CEACAM16: variants seen among roughly 807,000 people sequenced by gnomAD.
CEACAM16 encodes CEA cell adhesion molecule 16, tectorial membrane component, also known as cell adhesion molecule CEACAM16.
Under a neutral mutation model 39.4 loss-of-function variants are expected in CEACAM16, and 30 were observed. The ratio of observed to expected loss-of-function variants is 0.76; its 90% CI spans 0.57 to 1.03. The LOEUF is 1.03. Among genes scored for constraint, CEACAM16 ranks in the 50% least tolerant of loss-of-function variants. CEACAM16 has a pLI of 0.00. For synonymous variants in CEACAM16, 262 were observed against 264.9 expected (o/e 0.99, Z 0.11); for missense variants, 521 against 585.3 (o/e 0.89, Z 1.13).
intron 1 of CEACAM16, among the ~76,000 whole-genome samples, chr19:44,700,151 G>T (rs1162481405): frequency 6.6e-6 from 1 of 152,094 alleles, no homozygotes; most frequent in Non-Finnish European, 1.5e-5. Flanking sequence ...GACTACAGGT[G>T]CACACCACCA....
chr19:44,704,390 G>A lies in CEACAM16; in HGVS notation c.661+94G>A, dbSNP rs115626389. ...GAGAGGGGGCCTAAGGGCACACAGCGAGTCAGCAGGCAAGCTGGGATTGGG... is the reference window on the plus strand; with the variant it reads ...GAGAGGGGGCCTAAGGGCACACAGCAAGTCAGCAGGCAAGCTGGGATTGGG... On this transcript the variant is annotated intron_variant, in intron 4 of 6. Coordinates refer to ENST00000587331, the MANE Select transcript of CEACAM16 (RefSeq NM_001039213.4). 9.1e-4 allele frequency: 1,261 copies of A among 1,387,920 alleles called. 6 individuals are homozygous for A. The African/African-American group carries it at 0.012, about 14-fold the overall frequency. The allele number at this position is 1,387,920 out of a possible 1,614,324, so 86.0% of individuals were successfully genotyped here. A position where few individuals can be genotyped will look rare whatever the true frequency, so the allele number is the denominator to read the frequency against.
rs141024295 is a variant in CEACAM16 at position 44,705,669 on chromosome 19, C to G, written c.741C>G (p.Ser247=). ...CCATCAAAGTTGACTTCAACACGTC[C>G]CTCACCCTGTGGTGCGTGTCCAGGT... ...GCTIKVDFNT[S]LTLWCVSRSC... is the part of the protein sequence containing the mutation. Residue 247 remains serine, a synonymous_variant, in exon 5 of 7, where the codon TCC becomes TCG. Coordinates refer to ENST00000587331, the MANE Select transcript of CEACAM16 (RefSeq NM_001039213.4). 44 of 1,613,910 alleles carry G rather than the reference C, an allele frequency of 2.7e-5. No homozygotes were observed. The Middle Eastern group carries it at 9.9e-4, about 36-fold the overall frequency.
chr19:44,710,322 A>G (rs1472424462), intron 6 of CEACAM16, among the ~76,000 whole-genome samples, 174 bp from the exon 7 acceptor site: 1 of 152,118 alleles, frequency 6.6e-6, no homozygotes, highest in Non-Finnish European at 1.5e-5. Flanking sequence ...TCCCTCGCAC[A>G]AGGACCAACG....
At chr19:44,705,135 C>A (rs1974421353) in intron 4 of CEACAM16, among the ~76,000 whole-genome samples, 1 of 152,152 alleles carries the variant, frequency 6.6e-6, no homozygotes, top group Non-Finnish European at 1.5e-5. Flanking sequence ...AATCTTAGAA[C>A]CTCTAGACGC....
At chr19:44,699,363 T>C (rs1350220936) in intron 1 of CEACAM16, 103 bp downstream of exon 1, 1 of 504,292 alleles carries the variant, frequency 2.0e-6, no homozygotes, top group Non-Finnish European at 4.1e-6. Context: ...AACTGAGGCT[T>C]GGCAGAGTCC....
chr19:44,710,599 G>A lies in CEACAM16; in HGVS notation c.*93G>A. Reference sequence around the variant, plus strand: ...GTGGGAACCACTCCCCCACAGCGAGGATGCCAGGCTGTGGTCCTGCTGTTC... The same window carrying A: ...GTGGGAACCACTCCCCCACAGCGAGAATGCCAGGCTGTGGTCCTGCTGTTC... On this transcript the variant is annotated 3_prime_UTR_variant, in exon 7 of 7. Transcript: ENST00000587331. The A allele has an allele frequency of 6.4e-7, 1 of 1,557,554 alleles. No individual in the cohort carries two copies. Among genetic ancestry groups the A allele is most frequent in the Non-Finnish European group, 8.9e-7 (1 of 1,129,668 alleles).
Position 44,703,681 on chromosome 19 carries a change from G to A in CEACAM16, c.370G>A (p.Val124Met), listed in dbSNP as rs577689341. Residue 124 changes from valine to methionine, a missense_variant, in exon 3 of 7, where the codon GTG (valine) becomes ATG (methionine). Val to Met is a conservative substitution (Grantham distance 21, BLOSUM62 1). Coordinates refer to ENST00000587331, the MANE Select transcript of CEACAM16 (RefSeq NM_001039213.4). ...GCAGACCGAGGTGGGCTACGGACAC[G>A]TGCAGGTCCATGGTGAGACACCCCC... Reference protein sequence around the residue: ...QLQTEVGYGHVQVHEILAQPT... With the variant: ...QLQTEVGYGHMQVHEILAQPT... 191 of 1,540,602 alleles carry A rather than the reference G, an allele frequency of 1.2e-4. No homozygotes were observed. The highest frequency in any genetic ancestry group is 1.7e-4 in the Non-Finnish European group (188 of 1,138,270).
At chr19:44,704,371 G>T in intron 4 of CEACAM16, 75 bp downstream of exon 4, 1 of 1,420,176 alleles carries the variant, frequency 7.0e-7, no homozygotes. Flanking sequence ...CCAGGAGAGG[G>T]GGCCTAAGGG....
rs924051572 is a variant in CEACAM16 at position 44,703,675 on chromosome 19, G to A, written c.364G>A (p.Gly122Arg). The A allele has an allele frequency of 5.8e-6, 9 of 1,554,528 alleles. No homozygotes were observed. The highest frequency in any genetic ancestry group is 2.3e-5 in the East Asian group (1 of 43,256). Residue 122 changes from glycine to arginine, a missense_variant, in exon 3 of 7, where the codon GGA becomes AGA. By Grantham distance (125) the Gly-to-Arg change is moderately radical. Transcript: ENST00000587331. ...GCAGTTGCAGACCGAGGTGGGCTAC[G>A]GACACGTGCAGGTCCATGGTGAGAC... ...NRQLQTEVGY[G>R]HVQVHEILAQ...
At position 44,701,260 on chromosome 19, in the gene CEACAM16, A is replaced by C. The variant is rs2122186667; in HGVS notation, c.-96-101A>C. The C allele has an allele frequency of 1.5e-6, 1 of 666,602 alleles. No individual in the cohort carries two copies. The allele number at this position is 666,602 out of a possible 1,614,324, so 41.3% of individuals were successfully genotyped here. A position where few individuals can be genotyped will look rare whatever the true frequency, so the allele number is the denominator to read the frequency against. On this transcript the variant is annotated intron_variant, in intron 1 of 6. Transcript: ENST00000587331. This position sits in a 1 kb window ranked among gnomAD's most constrained non-coding sequence, Gnocchi z 4.0. ...TCACGGCCTCTGGCCGGTGCCCGCCACACCCACCCTGGTACCCAAACCGGG... is the reference window on the plus strand; with the variant it reads ...TCACGGCCTCTGGCCGGTGCCCGCCCCACCCACCCTGGTACCCAAACCGGG...
rs1974353622 is a variant in CEACAM16, at chr19:44,701,931, G to T, written c.37+438G>T. On this transcript the variant is annotated intron_variant, in intron 2 of 6. Coordinates refer to ENST00000587331, the MANE Select transcript of CEACAM16 (RefSeq NM_001039213.4). This position sits in a 1 kb window ranked among gnomAD's most constrained non-coding sequence, Gnocchi z 4.0. Reference sequence around the variant, plus strand: ...GCCTCACTGACAGGGTCATGTAAAGGTCATTATAAGCAGCACCACATATGC... The same window carrying T: ...GCCTCACTGACAGGGTCATGTAAAGTTCATTATAAGCAGCACCACATATGC... Among the ~76,000 whole-genome samples the T allele has an allele frequency of 6.6e-6, 1 of 152,134 alleles. No homozygotes were observed. The highest frequency in any genetic ancestry group is 6.6e-5 in the Admixed American group (1 of 15,266).
Position 44,707,974 on chromosome 19 carries a change from C to CG in CEACAM16, c.1055dup (p.Gly353ArgfsTer61). 4 of 1,603,976 alleles carry CG rather than the reference C, an allele frequency of 2.5e-6. No homozygotes were observed. The highest frequency in any genetic ancestry group is 3.4e-6 in the Non-Finnish European group (4 of 1,175,868). On this transcript the variant is annotated frameshift_variant, in exon 6 of 7. Coordinates refer to ENST00000587331, the MANE Select transcript of CEACAM16 (RefSeq NM_001039213.4). LOFTEE classifies it high-confidence loss of function. ...GGACCTGCTGGTCTACGCCTGGTAC[C>CG]GCGGGCCTGCCTCCGAGCCCAACCG... is the stretch of plus-strand genomic sequence containing the variant.
In CEACAM16 at chr19:44,710,546, G is replaced by A. The variant is rs751154314; in HGVS notation, c.*40G>A. 37 of 1,613,214 alleles carry A rather than the reference G, an allele frequency of 2.3e-5. No homozygotes were observed. Among genetic ancestry groups the A allele is most frequent in the Admixed American group, 2.2e-4 (13 of 59,980 alleles). On this transcript the variant is annotated 3_prime_UTR_variant, in exon 7 of 7. Coordinates refer to ENST00000587331, the MANE Select transcript of CEACAM16 (RefSeq NM_001039213.4). ...AGACGTCCAGAGAGAAGAGCTCTTC[G>A]CACCATCCTCTGGTCCTCGCCCTCT...
At chr19:44,703,881 TA>T in intron 3 of CEACAM16, 136 bp from the exon 4 acceptor site, 1 of 1,176,176 alleles carries the variant, frequency 8.5e-7, no homozygotes, top group Non-Finnish European at 1.2e-6. Flanking sequence ...ACCTGCCTCC[TA>T]AAACCATTCT....
At chr19:44,702,142 A>C (rs1186464759) in intron 2 of CEACAM16, among the ~76,000 whole-genome samples, 5 of 151,986 alleles carry the variant, frequency 3.3e-5, no homozygotes, top group Non-Finnish European at 2.9e-5. Flanking sequence ...AAATACAAAA[A>C]ATTAGCTAGG....
chr19:44,703,171 T>A (rs1307015825), intron 2 of CEACAM16, among the ~76,000 whole-genome samples, 178 bp from the exon 3 acceptor site: 1 of 152,140 alleles, frequency 6.6e-6, no homozygotes, highest in Non-Finnish European at 1.5e-5. Flanking sequence ...CCCAGAAAGA[T>A]TAGGTGGCTG....
At chr19:44,706,271 C>T (rs1448780735) in intron 5 of CEACAM16, among the ~76,000 whole-genome samples, 1 of 52,488 alleles carries the variant, frequency 1.9e-5, no homozygotes, top group African/African-American at 1.6e-4. Context: ...GATGGGTATA[C>T]ACACACACAC....
At chr19:44,709,437 T>C (rs1277808280) in intron 6 of CEACAM16, among the ~76,000 whole-genome samples, 3 of 146,060 alleles carry the variant, frequency 2.1e-5, no homozygotes, top group African/African-American at 7.7e-5. Flanking sequence ...AGGGACCATG[T>C]CTCCTTCATC....
intron 4 of CEACAM16, among the ~76,000 whole-genome samples, chr19:44,704,879 G>C (rs1234116163): frequency 6.6e-6 from 1 of 152,118 alleles, no homozygotes; most frequent in African/African-American, 2.4e-5. Flanking sequence ...AAGGAAACAG[G>C]GCCAGTTGGT....
Sources: gnomAD v4.1 joint callset for allele counts (sites outside exome capture counted in the v4.1 genomes callset) on GRCh38, gnomAD v4.1.1 for gene constraint, Gnocchi (gnomAD v3.1) non-coding constraint, MANE v1.5 for transcripts, NCBI Gene and HGNC (gene_info 2026-07-23, HGNC 2026-07-21) for gene names.